AAK1: variants seen among roughly 807,000 people sequenced by gnomAD.
The protein encoded by AAK1 is AP2-associated protein kinase 1.
AAK1 carries 37 observed loss-of-function variants against 116.0 expected under a neutral mutation model. That is an observed-to-expected ratio of 0.32 (90% CI 0.25 to 0.42). The LOEUF (loss-of-function observed/expected upper bound fraction) is 0.42. Ranked by LOEUF, AAK1 falls within the 10% of genes least tolerant of loss-of-function variation. AAK1 has a pLI of 1.00. For synonymous variants in AAK1, 458 were observed against 439.9 expected (o/e 1.04, Z -0.51); for missense variants, 919 against 1,170.6 (o/e 0.79, Z 3.14).
In AAK1 at chr2:69,468,825, G is replaced by A; in HGVS notation, c.*7044C>T. ...AGGGTTGGAGAGGATGGAAGAACAT[G>A]TCTAACCCATCAAAATTATTTGTTA... On this transcript the variant is annotated 3_prime_UTR_variant, in exon 22 of 22. Coordinates refer to ENST00000409085, the MANE Select transcript of AAK1 (RefSeq NM_014911.5). 1 of 985,432 alleles carries A rather than the reference G, an allele frequency of 1.0e-6. No individual in the cohort carries two copies. The highest frequency in any genetic ancestry group is 1.2e-6 in the Non-Finnish European group (1 of 829,936). 61.0% of individuals were successfully genotyped at this position (985,432 alleles called of 1,614,324 possible).
In AAK1 at chr2:69,462,870, CAGAA is replaced by C. The variant is rs1225177004; in HGVS notation, c.*12995_*12998del. On this transcript the variant is annotated 3_prime_UTR_variant, in exon 22 of 22. Transcript: ENST00000409085. ...TTTGCATCCACTAATACATAAAAATCAGAAAGGAGAATTGGGAAAAAGCATATTC... is the reference window on the plus strand; with the variant it reads ...TTTGCATCCACTAATACATAAAAATCAGGAGAATTGGGAAAAAGCATATTC... 1.3e-5 allele frequency: 2 copies of C among 152,118 alleles called. No individual in the cohort carries two copies. Among genetic ancestry groups the C allele is most frequent in the Admixed American group, 1.3e-4 (2 of 15,282 alleles). The allele number at this position is 152,118 out of a possible 1,614,324, so 9.4% of individuals were successfully genotyped here. A position where few individuals can be genotyped will look rare whatever the true frequency, so the allele number is the denominator to read the frequency against.
Position 69,532,142 on chromosome 2 carries a change from A to G in AAK1, c.555T>C (p.His185=), listed in dbSNP as rs1670284658. 2 of 1,613,452 alleles carry G rather than the reference A, an allele frequency of 1.2e-6. No homozygotes were observed. Among genetic ancestry groups the G allele is most frequent in the African/African-American group, 1.3e-5 (1 of 74,908 alleles). ...RDLKVENILL[H]DRGHYVLCDF... is the part of the protein sequence containing the mutation. ...CACACAGGACATAGTGGCCTCGGTC[A>G]TGCAAGAGGATGTTTTCAACCTGAA... Residue 185 remains histidine (H), a synonymous_variant, in exon 6 of 22, where the codon CAT becomes CAC. Transcript: ENST00000409085.
intron 16 of AAK1, among the ~76,000 whole-genome samples, chr2:69,496,375 G>C (rs1203359421): frequency 2.0e-5 from 3 of 149,234 alleles, no homozygotes; most frequent in African/African-American, 7.5e-5. Context: ...CGGTTCAAGC[G>C]ATTCTCCTGC....
At chr2:69,622,737 C>T (rs1359931745) in intron 2 of AAK1, among the ~76,000 whole-genome samples, 4 of 152,262 alleles carry the variant, frequency 2.6e-5, no homozygotes, top group South Asian at 2.1e-4. Flanking sequence ...CACTCTGTAT[C>T]TAGCTCAAGG....
At chr2:69,505,439 C>CATAT (rs144682650) in intron 16 of AAK1, 130 bp downstream of exon 16, 31 of 437,030 alleles carry the variant, frequency 7.1e-5, no homozygotes, top group South Asian at 3.5e-4. Context: ...CCATGAAAAA[C>CATAT]ATATATATAT....
At position 69,643,597 on chromosome 2, in the gene AAK1, G is replaced by A. The variant is rs959920246; in HGVS notation, c.-257C>T. The A allele has an allele frequency of 1.1e-5, 14 of 1,228,720 alleles. No homozygotes were observed. The East Asian group carries it at 4.1e-4, about 36-fold the overall frequency. The allele number at this position is 1,228,720 out of a possible 1,614,324, so 76.1% of individuals were successfully genotyped here. A position where few individuals can be genotyped will look rare whatever the true frequency, so the allele number is the denominator to read the frequency against. On this transcript the variant is annotated 5_prime_UTR_variant, in exon 1 of 22. Coordinates refer to ENST00000409085, the MANE Select transcript of AAK1 (RefSeq NM_014911.5). ...CACTTGAGACGGCTCGGCGGCCGGC[G>A]CCCTGCTACCAGCCCCGCGACATTG...
At position 69,472,845 on chromosome 2, in the gene AAK1, G is replaced by A; in HGVS notation, c.*3024C>T. ...TAGGTAGGTGTGTGTCCACGCATGT[G>A]TTTCTGTAATACTTAAAAAGGAAAA... On this transcript the variant is annotated 3_prime_UTR_variant, in exon 22 of 22. Coordinates refer to ENST00000409085, the MANE Select transcript of AAK1 (RefSeq NM_014911.5). The A allele has an allele frequency of 1.0e-6, 1 of 985,646 alleles. No individual in the cohort carries two copies. 61.1% of individuals were successfully genotyped at this position (985,646 alleles called of 1,614,324 possible). A position where few individuals can be genotyped will look rare whatever the true frequency, so the allele number is the denominator to read the frequency against.
At chr2:69,582,376 TGTGTGTGCAC>T (rs1287380096) in intron 2 of AAK1, among the ~76,000 whole-genome samples, 2 of 144,294 alleles carry the variant, frequency 1.4e-5, no homozygotes, top group African/African-American at 5.8e-5. Flanking sequence ...CGTGTGTGCG[TGTGTGTGCAC>T]GTGTGTGTGT....
chr2:69,529,389 C>A (rs1670150605), intron 8 of AAK1, among the ~76,000 whole-genome samples: 4 of 150,546 alleles, frequency 2.7e-5, no homozygotes, highest in Admixed American at 2.6e-4. Context: ...GGGCTTTGTG[C>A]AAATATTATT....
Position 69,467,381 on chromosome 2 carries a change from C to T in AAK1, c.*8488G>A, listed in dbSNP as rs1674524417. The T allele has an allele frequency of 1.0e-6, 1 of 985,304 alleles. No individual in the cohort carries two copies. The highest frequency in any genetic ancestry group is 1.1e-4 in the East Asian group (1 of 8,824). The allele number at this position is 985,304 out of a possible 1,614,324, so 61.0% of individuals were successfully genotyped here. On this transcript the variant is annotated 3_prime_UTR_variant, in exon 22 of 22. Coordinates refer to ENST00000409085, the MANE Select transcript of AAK1 (RefSeq NM_014911.5). ...CTCAGGGTGCTCTGGCTTTTAAAAT[C>T]AAATAGACAATTATCAGAATGCAAG...
intron 2 of AAK1, among the ~76,000 whole-genome samples, chr2:69,618,625 C>T (rs1674447325): frequency 6.6e-6 from 1 of 152,160 alleles, no homozygotes; most frequent in Admixed American, 6.5e-5. Flanking sequence ...TTCCACCCTG[C>T]CTTGCCTTTG....
At position 69,643,634 on chromosome 2, in the gene AAK1, G is replaced by T; in HGVS notation, c.-294C>A. On this transcript the variant is annotated 5_prime_UTR_variant, in exon 1 of 22. Coordinates refer to ENST00000409085, the MANE Select transcript of AAK1 (RefSeq NM_014911.5). ...GCCCCGCGACATTGTCACGGCCGCC[G>T]GGCCGGCCTGCGACGCAGAGAAGAG... 1 of 1,228,100 alleles carries T rather than the reference G, an allele frequency of 8.1e-7. No individual in the cohort carries two copies. Among genetic ancestry groups the T allele is most frequent in the Non-Finnish European group, 1.0e-6 (1 of 985,688 alleles). The allele number at this position is 1,228,100 out of a possible 1,614,324, so 76.1% of individuals were successfully genotyped here. A position where few individuals can be genotyped will look rare whatever the true frequency, so the allele number is the denominator to read the frequency against.
chr2:69,487,488 G>A (rs918676922), intron 17 of AAK1, among the ~76,000 whole-genome samples: 2 of 152,172 alleles, frequency 1.3e-5, no homozygotes, highest in Non-Finnish European at 2.9e-5. Flanking sequence ...TCAGCATATC[G>A]TGACTTAGTG....
At chr2:69,562,812 C>G (rs1204766293) in intron 2 of AAK1, among the ~76,000 whole-genome samples, 4 of 152,180 alleles carry the variant, frequency 2.6e-5, no homozygotes, top group Non-Finnish European at 5.9e-5. Context: ...ATTGCTTGAA[C>G]CTGGGAGGCG....
At chr2:69,537,560 C>T (rs1370181686) in intron 5 of AAK1, among the ~76,000 whole-genome samples, 1 of 152,198 alleles carries the variant, frequency 6.6e-6, no homozygotes, top group Non-Finnish European at 1.5e-5. Flanking sequence ...ATCCTGCTCA[C>T]AGAGAAGCAA....
chr2:69,601,120 A>G (rs1673558418), intron 2 of AAK1, among the ~76,000 whole-genome samples: 1 of 152,252 alleles, frequency 6.6e-6, no homozygotes, highest in Non-Finnish European at 1.5e-5. Context: ...GGAAACCAAA[A>G]AAGTTGTGTG....
In AAK1 at chr2:69,462,646, C is replaced by T. The variant is rs982304996; in HGVS notation, c.*13223G>A. On this transcript the variant is annotated 3_prime_UTR_variant, in exon 22 of 22. Coordinates refer to ENST00000409085, the MANE Select transcript of AAK1 (RefSeq NM_014911.5). The stretch of plus-strand genomic sequence containing the variant: ...AGCCGAGATCACACCACTGCACTCC[C>T]GCCTGAGCGACAGAGCAAGACGCCG... 4.6e-5 allele frequency: 7 copies of T among 151,686 alleles called. No homozygotes were observed. Among genetic ancestry groups the T allele is most frequent in the South Asian group, 2.1e-4 (1 of 4,788 alleles). The allele number at this position is 151,686 out of a possible 1,614,324, so 9.4% of individuals were successfully genotyped here.
At position 69,643,694 on chromosome 2, in the gene AAK1, C is replaced by A. The variant is rs1470265935; in HGVS notation, c.-354G>T. 8.2e-7 allele frequency: 1 copy of A among 1,219,044 alleles called. No individual in the cohort carries two copies. Among genetic ancestry groups the A allele is most frequent in the Non-Finnish European group, 1.0e-6 (1 of 979,830 alleles). The allele number at this position is 1,219,044 out of a possible 1,614,324, so 75.5% of individuals were successfully genotyped here. Reference sequence around the variant, plus strand: ...CAGCGAGAGCCGGGGCCGCGCTCGGCTCCCGCCCGCCCGCCAGCTGATCCC... The same window carrying A: ...CAGCGAGAGCCGGGGCCGCGCTCGGATCCCGCCCGCCCGCCAGCTGATCCC... On this transcript the variant is annotated 5_prime_UTR_variant, in exon 1 of 22. Transcript: ENST00000409085.
intron 14 of AAK1, among the ~76,000 whole-genome samples, chr2:69,507,789 C>T (rs1012429171): frequency 2.0e-5 from 3 of 151,844 alleles, no homozygotes; most frequent in African/African-American, 4.8e-5. Flanking sequence ...TCACTGCAAC[C>T]TCCGTCTCCC....
Sources: gnomAD v4.1 joint callset for allele counts (sites outside exome capture counted in the v4.1 genomes callset) on GRCh38, gnomAD v4.1.1 for gene constraint, MANE v1.5 for transcripts, NCBI Gene and HGNC (gene_info 2026-07-23, HGNC 2026-07-21) for gene names.